The following SYN2 variants were observed in gnomAD, a reference collection of about 807,000 sequenced individuals.
SYN2 encodes the protein synapsin-2.
In SYN2, 19 loss-of-function variants were observed where a neutral mutation model predicts 50.9. That is an observed-to-expected ratio of 0.37 (90% CI 0.26 to 0.55). The LOEUF is 0.55. SYN2 is among the 20% of genes least tolerant of loss of function. SYN2 has a pLI of 0.81. For synonymous variants in SYN2, 255 were observed against 224.9 expected (o/e 1.13, Z -1.20); for missense variants, 587 against 576.4 (o/e 1.02, Z -0.19).
At chr3:12,031,346 T>A (rs1230128919) in intron 1 of SYN2, among the ~76,000 whole-genome samples, 2 of 142,866 alleles carry the variant, frequency 1.4e-5, no homozygotes, top group Admixed American at 7.2e-5. Context: ...TGAAAAAAAA[T>A]GTATATTCTG....
chr3:12,012,315 A>G (rs933427987), intron 1 of SYN2, among the ~76,000 whole-genome samples: 1 of 152,214 alleles, frequency 6.6e-6, no homozygotes, highest in African/African-American at 2.4e-5. Flanking sequence ...AAGGATGGCT[A>G]CAGAGGAAAA....
chr3:12,026,219 C>T (rs751763548), intron 1 of SYN2, among the ~76,000 whole-genome samples: 18 of 152,044 alleles, frequency 1.2e-4, no homozygotes, highest in Non-Finnish European at 2.4e-4. Flanking sequence ...GCTCTGGTTT[C>T]ATTTATTGAA....
chr3:12,084,856 C>T (rs191564339), intron 1 of SYN2, among the ~76,000 whole-genome samples: 16 of 152,050 alleles, frequency 1.1e-4, no homozygotes, highest in South Asian at 4.1e-4. Flanking sequence ...GTAAGCCTTA[C>T]GGTAACCATG....
At chr3:12,159,013 C>T (rs1697557851) in intron 5 of SYN2, 1 of 936,924 alleles carries the variant, frequency 1.1e-6, no homozygotes, top group South Asian at 1.9e-5. Context: ...CCCGCGGAGG[C>T]AGGACCCGAG....
intron 11 of SYN2, among the ~76,000 whole-genome samples, chr3:12,187,026 T>C (rs564660116): frequency 1.3e-5 from 2 of 152,250 alleles, no homozygotes; most frequent in East Asian, 3.9e-4. Context: ...AGCAGGGTGG[T>C]CTGTGCCTGA....
intron 1 of SYN2, among the ~76,000 whole-genome samples, chr3:12,133,040 C>G (rs1180991860): frequency 6.6e-6 from 1 of 152,188 alleles, no homozygotes; most frequent in African/African-American, 2.4e-5. Flanking sequence ...TACCCCTAAT[C>G]ATCTTGGCAT....
In SYN2 at chr3:12,140,569, G is replaced by A. The variant is rs938531723; in HGVS notation, c.378-82G>A. 1.8e-5 allele frequency: 13 copies of A among 717,030 alleles called. 1 individual carries two copies. In the East Asian group the frequency reaches 3.5e-4, roughly 19 times the overall value. 44.4% of individuals were successfully genotyped at this position (717,030 alleles called of 1,614,324 possible). On this transcript the variant is annotated intron_variant, in intron 1 of 12. Transcript: ENST00000621198. ...CTCATTCTGGAGATCTGTCTGCTGT[G>A]GTCCTCTTCTTTGTAATAGTAAATG...
rs952294424 is a variant in SYN2 at position 12,065,629 on chromosome 3, T to C, written c.377+60701T>C. ...AAACCAAATACTGCATGTTCTCACT[T>C]AACAAGTGGGAGCTAAACATTGGGT... On this transcript the variant is annotated intron_variant, in intron 1 of 12. Transcript: ENST00000621198. Among the ~76,000 whole-genome samples the C allele has an allele frequency of 2.6e-5, 4 of 152,122 alleles. 1 individual carries two copies. Among genetic ancestry groups the C allele is most frequent in the African/African-American group, 9.7e-5 (4 of 41,418 alleles).
Position 12,167,725 on chromosome 3 carries a change from G to GT in SYN2, c.1055+418dup, listed in dbSNP as rs1292715857. ...AATGTGGAATTGGCTTTGGAACTGG[G>GT]TAAGAGGCAGAGGTTAGAAGAGTTT... On this transcript the variant is annotated intron_variant, in intron 8 of 12. Coordinates refer to ENST00000621198, the MANE Select transcript of SYN2 (RefSeq NM_133625.6). Among the ~76,000 whole-genome samples the GT allele has an allele frequency of 7.9e-5, 12 of 152,286 alleles. No individual in the cohort carries two copies. The East Asian group carries it at 2.3e-3, about 29-fold the overall frequency.
intron 1 of SYN2, among the ~76,000 whole-genome samples, chr3:12,074,795 T>C (rs957927810): frequency 6.6e-6 from 1 of 152,154 alleles, no homozygotes; most frequent in African/African-American, 2.4e-5. Flanking sequence ...GAGACACTAG[T>C]TGGAACTAGT....
chr3:12,116,238 C>T (rs1021233940), intron 1 of SYN2, among the ~76,000 whole-genome samples: 8 of 152,144 alleles, frequency 5.3e-5, no homozygotes, highest in Non-Finnish European at 1.2e-4. Context: ...AATCAGATTT[C>T]TGGACTTGAA....
intron 5 of SYN2, chr3:12,159,148 G>T: frequency 2.6e-6 from 1 of 384,864 alleles, no homozygotes. Context: ...GAGAGGGGAT[G>T]GTGTCAAGGG....
chr3:12,027,083 C>T (rs1433584701), intron 1 of SYN2, among the ~76,000 whole-genome samples: 1 of 152,154 alleles, frequency 6.6e-6, no homozygotes, highest in Non-Finnish European at 1.5e-5. Context: ...CTGCAATAAA[C>T]TCAGTGGTGT....
At chr3:12,176,693 A>T (rs1339429434) in intron 10 of SYN2, among the ~76,000 whole-genome samples, 1 of 152,246 alleles carries the variant, frequency 6.6e-6, no homozygotes, top group Non-Finnish European at 1.5e-5. Context: ...AGAAACCAGG[A>T]GGTTGAGGCA....
intron 1 of SYN2, among the ~76,000 whole-genome samples, chr3:12,080,099 T>C (rs996584761): frequency 2.0e-5 from 3 of 152,148 alleles, no homozygotes; most frequent in Non-Finnish European, 2.9e-5. Context: ...TAGAGGTGTT[T>C]ATAGCATTCT....
intron 7 of SYN2, among the ~76,000 whole-genome samples, chr3:12,164,089 A>G (rs1457068279): frequency 1.3e-5 from 2 of 152,204 alleles, no homozygotes; most frequent in East Asian, 1.9e-4. Context: ...AATATGCACA[A>G]TCTAAGACAG....
At chr3:12,022,773 C>T (rs763547634) in intron 1 of SYN2, among the ~76,000 whole-genome samples, 41 of 151,728 alleles carry the variant, frequency 2.7e-4, no homozygotes, top group Non-Finnish European at 4.7e-4. Context: ...CTCTCAAACT[C>T]CTGGTCTCAA....
At chr3:12,094,698 C>T (rs1377402966) in intron 1 of SYN2, among the ~76,000 whole-genome samples, 1 of 152,158 alleles carries the variant, frequency 6.6e-6, no homozygotes, top group Non-Finnish European at 1.5e-5. Flanking sequence ...GTGCCTAGCA[C>T]ATAGAATATC....
chr3:12,035,343 C>T (rs1360151586), intron 1 of SYN2, among the ~76,000 whole-genome samples: 5 of 152,200 alleles, frequency 3.3e-5, no homozygotes, highest in African/African-American at 7.2e-5. Flanking sequence ...GCCAGAGTTG[C>T]ACACTGGTAG....
Sources: gnomAD v4.1 joint callset for allele counts (sites outside exome capture counted in the v4.1 genomes callset) on GRCh38, gnomAD v4.1.1 for gene constraint, MANE v1.5 for transcripts, NCBI Gene and HGNC (gene_info 2026-07-23, HGNC 2026-07-21) for gene names.